TAFA5: variants seen among roughly 807,000 people sequenced by gnomAD.
TAFA5 encodes chemokine-like protein TAFA-5.
Under a neutral mutation model 15.3 loss-of-function variants are expected in TAFA5, and 6 were observed. The observed-to-expected ratio is 0.39, with a 90% CI of 0.21 to 0.77. TAFA5 has a LOEUF of 0.77. TAFA5 is among the 30% of genes least tolerant of loss of function. The pLI is 0.41. For missense variants in TAFA5, 161 were observed against 193.1 expected (o/e 0.83, Z 0.98); for synonymous variants, 103 against 80.7 (o/e 1.28, Z -1.48).
intron 1 of TAFA5, among the ~76,000 whole-genome samples, chr22:48,623,218 C>T (rs1248538937): frequency 1.3e-5 from 2 of 151,822 alleles, no homozygotes; most frequent in East Asian, 3.9e-4. Flanking sequence ...CGTGGCCCTG[C>T]GCGGTGACCT....
chr22:48,709,763 C>T (rs1929195112), intron 3 of TAFA5, among the ~76,000 whole-genome samples: 1 of 152,208 alleles, frequency 6.6e-6, no homozygotes, highest in Non-Finnish European at 1.5e-5. Context: ...GTCAGGGAGT[C>T]CACAGACCCT....
intron 3 of TAFA5, among the ~76,000 whole-genome samples, chr22:48,731,884 A>G (rs1186044258): frequency 6.6e-6 from 1 of 152,270 alleles, no homozygotes; most frequent in Non-Finnish European, 1.5e-5. Context: ...TAAGAAATAC[A>G]TTTGATAAGG....
chr22:48,701,950 G>T (rs557019869), intron 2 of TAFA5, among the ~76,000 whole-genome samples: 3 of 152,198 alleles, frequency 2.0e-5, no homozygotes, highest in Non-Finnish European at 4.4e-5. Flanking sequence ...CTTGGAGCGG[G>T]AGCTGGCCTC....
intron 2 of TAFA5, among the ~76,000 whole-genome samples, chr22:48,677,766 C>T (rs1053496282): frequency 1.3e-5 from 2 of 152,152 alleles, no homozygotes; most frequent in Admixed American, 6.5e-5. Context: ...TCAGGTCGGG[C>T]GGGCGTGGCG....
intron 2 of TAFA5, among the ~76,000 whole-genome samples, chr22:48,701,337 C>T (rs978120509): frequency 6.6e-6 from 1 of 152,174 alleles, no homozygotes; most frequent in South Asian, 2.1e-4. Context: ...GGTGGCAGCT[C>T]CCAGGGAGGG....
At chr22:48,565,677 G>A (rs1217016386) in intron 1 of TAFA5, among the ~76,000 whole-genome samples, 1 of 152,162 alleles carries the variant, frequency 6.6e-6, no homozygotes, top group Non-Finnish European at 1.5e-5. Flanking sequence ...GATTTCCCGG[G>A]ACTTGCACCC....
chr22:48,683,087 T>C (rs760429940), intron 2 of TAFA5, among the ~76,000 whole-genome samples: 3 of 152,192 alleles, frequency 2.0e-5, no homozygotes, highest in Non-Finnish European at 4.4e-5. Context: ...TTGACTTATT[T>C]AATTCTACTT....
At chr22:48,584,640 A>C (rs544500067) in intron 1 of TAFA5, among the ~76,000 whole-genome samples, 1 of 149,518 alleles carries the variant, frequency 6.7e-6, no homozygotes, top group African/African-American at 2.5e-5. Context: ...CACAAAATAC[A>C]TCACACATGC....
At chr22:48,708,526 C>T (rs933451496) in intron 3 of TAFA5, among the ~76,000 whole-genome samples, 9 of 152,204 alleles carry the variant, frequency 5.9e-5, no homozygotes, top group South Asian at 2.1e-4. Context: ...GATGCTGAGG[C>T]GGTTTCCCCT....
At chr22:48,528,113 C>T (rs919626984) in intron 1 of TAFA5, among the ~76,000 whole-genome samples, 3 of 152,234 alleles carry the variant, frequency 2.0e-5, no homozygotes, top group African/African-American at 7.2e-5. Context: ...CCTCCACAGG[C>T]CCCGCGATGG....
At chr22:48,613,722 G>T (rs1925495621) in intron 1 of TAFA5, among the ~76,000 whole-genome samples, 1 of 152,230 alleles carries the variant, frequency 6.6e-6, no homozygotes, top group African/African-American at 2.4e-5. Context: ...CCTTGTGGCT[G>T]CGCCCCAGCC....
At chr22:48,551,884 C>T (rs1028299951) in intron 1 of TAFA5, among the ~76,000 whole-genome samples, 6 of 152,296 alleles carry the variant, frequency 3.9e-5, no homozygotes, top group Non-Finnish European at 8.8e-5. Flanking sequence ...TGGGTGTGGC[C>T]GCTGTTGGTA....
rs1387922281 is a variant in TAFA5 at position 48,552,847 on chromosome 22, G to T, written c.112+63143G>T. Reference sequence around the variant, plus strand: ...TCCAGGGCTCACCCCGAGGGAGGAGGCCCAGAGCCAGCCCTGGGTGCTGAG... The same window carrying T: ...TCCAGGGCTCACCCCGAGGGAGGAGTCCCAGAGCCAGCCCTGGGTGCTGAG... On this transcript the variant is annotated intron_variant, in intron 1 of 3. Coordinates refer to ENST00000402357, the MANE Select transcript of TAFA5 (RefSeq NM_001082967.3). This position sits in a 1 kb window ranked among gnomAD's most constrained non-coding sequence, Gnocchi z 4.1. Among the ~76,000 whole-genome samples, 3 of 152,116 alleles carry T rather than the reference G, an allele frequency of 2.0e-5. No homozygotes were observed. Among genetic ancestry groups the T allele is most frequent in the Non-Finnish European group, 4.4e-5 (3 of 68,012 alleles).
intron 2 of TAFA5, among the ~76,000 whole-genome samples, chr22:48,696,262 ACT>A (rs1399851126): frequency 6.6e-6 from 1 of 151,998 alleles, no homozygotes; most frequent in East Asian, 1.9e-4. Context: ...ATTTCTCAGC[ACT>A]CTGCGTTTAT....
At chr22:48,539,044 G>A (rs1178697587) in intron 1 of TAFA5, 1 of 218,780 alleles carries the variant, frequency 4.6e-6, no homozygotes, top group Non-Finnish European at 9.3e-6. Flanking sequence ...TGAGTTCACA[G>A]GGGGTGGGAG....
chr22:48,502,941 T>A (rs536748898), intron 1 of TAFA5, among the ~76,000 whole-genome samples: 1 of 152,238 alleles, frequency 6.6e-6, no homozygotes, highest in Non-Finnish European at 1.5e-5. Context: ...CACCAACGGG[T>A]CATATAGGAC....
At chr22:48,584,516 CACAT>C (rs1373770584) in intron 1 of TAFA5, among the ~76,000 whole-genome samples, 465 of 149,586 alleles carry the variant, frequency 3.1e-3, no homozygotes, top group Non-Finnish European at 3.2e-3. Context: ...CACACACACA[CACAT>C]ACACACCACA....
intron 1 of TAFA5, chr22:48,546,694 T>C: frequency 4.6e-6 from 2 of 436,676 alleles, no homozygotes; most frequent in South Asian, 1.7e-5. Context: ...GGGGCTCACC[T>C]CCATTCCTCC....
intron 1 of TAFA5, among the ~76,000 whole-genome samples, chr22:48,628,400 C>T (rs1376918331): frequency 6.6e-6 from 1 of 152,228 alleles, no homozygotes; most frequent in South Asian, 2.1e-4. Context: ...TCTGCCCTCC[C>T]CTGCTGGGGT....
Sources: allele counts gnomAD v4.1 joint callset (sites outside exome capture counted in the v4.1 genomes callset), GRCh38; gene constraint gnomAD v4.1.1; non-coding constraint Gnocchi (gnomAD v3.1); transcripts MANE v1.5; gene names NCBI Gene and HGNC (gene_info 2026-07-23, HGNC 2026-07-21).